Variants in LRRTM4 observed in about 807,000 individuals in gnomAD.
LRRTM4 encodes the protein leucine rich repeat transmembrane neuronal 4.
LRRTM4 carries 25 observed loss-of-function variants against 47.6 expected under a neutral mutation model. The ratio of observed to expected loss-of-function variants is 0.53; its 90% confidence interval spans 0.38 to 0.73. The LOEUF (loss-of-function observed/expected upper bound fraction) is 0.73. Ranked by LOEUF, LRRTM4 falls within the 30% of genes least tolerant of loss-of-function variation. LRRTM4 has a pLI of 0.00. For synonymous variants in LRRTM4, 311 were observed against 269.5 expected (o/e 1.15, Z -1.51); for missense variants, 638 against 713.4 (o/e 0.89, Z 1.20).
At chr2:77,026,584 T>C (rs77048819) in intron 3 of LRRTM4, among the ~76,000 whole-genome samples, 2 of 152,122 alleles carry the variant, frequency 1.3e-5, no homozygotes, top group African/African-American at 4.8e-5. Flanking sequence ...GGTATCAGAT[T>C]CCATTTTAAT....
chr2:77,212,799 A>G (rs887010162), intron 3 of LRRTM4, among the ~76,000 whole-genome samples: 2 of 152,190 alleles, frequency 1.3e-5, no homozygotes, highest in African/African-American at 4.8e-5. Context: ...CTCTAATACA[A>G]TTGTTTATAC....
At chr2:77,480,814 GTGTGT>G (rs1273453386) in intron 3 of LRRTM4, among the ~76,000 whole-genome samples, 15 of 130,806 alleles carry the variant, frequency 1.1e-4, no homozygotes, top group Admixed American at 6.9e-4. Context: ...GTGTGTGTGT[GTGTGT>G]GTGGAGAGAG....
chr2:76,944,482 T>C (rs1190594760), intron 3 of LRRTM4, among the ~76,000 whole-genome samples: 8 of 152,156 alleles, frequency 5.3e-5, no homozygotes. Flanking sequence ...ATTTCTCCAG[T>C]ACCTGATAAG....
At chr2:77,035,439 C>T (rs529008007) in intron 3 of LRRTM4, among the ~76,000 whole-genome samples, 11 of 151,864 alleles carry the variant, frequency 7.2e-5, no homozygotes, top group African/African-American at 2.7e-4. Context: ...CCTTTTACAG[C>T]CACAGTTACT....
chr2:77,090,844 T>C (rs1333430272), intron 3 of LRRTM4, among the ~76,000 whole-genome samples: 1 of 152,192 alleles, frequency 6.6e-6, no homozygotes, highest in Non-Finnish European at 1.5e-5. Flanking sequence ...AGCTGAAGAC[T>C]GACGCTGCCC....
chr2:76,960,386 C>T (rs528542659), intron 3 of LRRTM4, among the ~76,000 whole-genome samples: 3 of 151,474 alleles, frequency 2.0e-5, no homozygotes, highest in African/African-American at 7.2e-5. Flanking sequence ...TAAAAATAAG[C>T]ATTATAATTA....
chr2:77,089,446 CTG>C (rs1219515990), intron 3 of LRRTM4, among the ~76,000 whole-genome samples: 2 of 151,872 alleles, frequency 1.3e-5, no homozygotes, highest in South Asian at 4.3e-4. Context: ...CCTCGTATCT[CTG>C]TGCCCCAATC....
At chr2:77,045,215 A>T (rs1444794351) in intron 3 of LRRTM4, among the ~76,000 whole-genome samples, 2 of 151,918 alleles carry the variant, frequency 1.3e-5, no homozygotes, top group Non-Finnish European at 2.9e-5. Flanking sequence ...TACTTTTTAA[A>T]TGTTTGTTAC....
chr2:77,176,966 G>T (rs1485646603), intron 3 of LRRTM4, among the ~76,000 whole-genome samples: 1 of 152,078 alleles, frequency 6.6e-6, no homozygotes, highest in Non-Finnish European at 1.5e-5. Context: ...CAGTCCCACG[G>T]CAGCTTCCAG....
intron 3 of LRRTM4, among the ~76,000 whole-genome samples, chr2:77,048,508 G>A (rs995746806): frequency 1.3e-5 from 2 of 151,914 alleles, no homozygotes; most frequent in African/African-American, 4.8e-5. Context: ...ATATGCATAT[G>A]ATTAAAACCA....
intron 3 of LRRTM4, among the ~76,000 whole-genome samples, chr2:77,039,529 T>C (rs1678954962): frequency 6.6e-6 from 1 of 151,230 alleles, no homozygotes; most frequent in Non-Finnish European, 1.5e-5. Context: ...AGAAGCAATT[T>C]TAAAGTTAAG....
intron 3 of LRRTM4, among the ~76,000 whole-genome samples, chr2:77,083,622 T>C (rs1026478367): frequency 3.3e-5 from 5 of 152,112 alleles, no homozygotes; most frequent in East Asian, 3.9e-4. Flanking sequence ...AAATACTAGA[T>C]ATTCACATAC....
rs1245723361 is a variant in LRRTM4 at position 77,519,688 on chromosome 2, C to T, written c.181G>A (p.Gly61Arg). 1.2e-6 allele frequency: 2 copies of T among 1,613,334 alleles called. No homozygotes were observed. Among genetic ancestry groups the T allele is most frequent in the South Asian group, 2.2e-5 (2 of 91,074 alleles). ...AFADIPENIS[G>R]GSQGLSLRFN... is the part of the protein sequence containing the mutation. The stretch of plus-strand genomic sequence containing the variant: ...CTTAATGATAAGCCTTGTGACCCTC[C>T]AGAAATGTTCTCAGGGATATCTGCG... Residue 61 changes from glycine (G) to arginine (R), a missense_variant, in exon 3 of 4, where the codon GGA becomes AGA. By Grantham distance (125) the Gly-to-Arg change is moderately radical. Transcript: ENST00000409884. This position sits in a 1 kb window ranked among gnomAD's most constrained non-coding sequence, Gnocchi z 4.6.
At chr2:77,466,571 T>C (rs1676989841) in intron 3 of LRRTM4, among the ~76,000 whole-genome samples, 1 of 152,192 alleles carries the variant, frequency 6.6e-6, no homozygotes, top group Non-Finnish European at 1.5e-5. Context: ...ACACTGTTTT[T>C]CTTTGTGAAA....
chr2:76,986,449 A>G (rs1437904818), intron 3 of LRRTM4, among the ~76,000 whole-genome samples: 1 of 151,902 alleles, frequency 6.6e-6, no homozygotes, highest in African/African-American at 2.4e-5. Flanking sequence ...TTTCTAAGTT[A>G]CTTAGGTCTT....
chr2:77,206,179 ATT>A lies in LRRTM4; in HGVS notation c.1551+312137_1551+312138del, dbSNP rs35378906. Among the ~76,000 whole-genome samples the A allele has an allele frequency of 5.8e-3, 741 of 126,854 alleles. 2 individuals are homozygous for A. Among genetic ancestry groups the A allele is most frequent in the African/African-American group, 9.2e-3 (304 of 33,054 alleles). 83.2% of individuals were successfully genotyped at this position (126,854 alleles called of 152,430 possible). ...CAATACACTGTAATTTCAAAATTCT[ATT>A]TTTTTTTTTTTTTTTGAAACAGGGT... On this transcript the variant is annotated intron_variant, in intron 3 of 3. Coordinates refer to ENST00000409884, the MANE Select transcript of LRRTM4 (RefSeq NM_001134745.3).
At chr2:77,125,951 C>T (rs1450059863) in intron 3 of LRRTM4, among the ~76,000 whole-genome samples, 2 of 149,558 alleles carry the variant, frequency 1.3e-5, no homozygotes, top group Non-Finnish European at 3.0e-5. Flanking sequence ...TATATATATG[C>T]AGTATGTGTG....
intron 3 of LRRTM4, among the ~76,000 whole-genome samples, chr2:76,826,768 C>T (rs906682507): frequency 6.6e-6 from 1 of 151,842 alleles, no homozygotes; most frequent in East Asian, 1.9e-4. Context: ...AAGTACTATA[C>T]AGCAGAGTGT....
intron 3 of LRRTM4, among the ~76,000 whole-genome samples, chr2:77,336,384 T>G (rs1467826363): frequency 6.6e-6 from 1 of 152,046 alleles, no homozygotes; most frequent in East Asian, 1.9e-4. Context: ...TTTTACCAGT[T>G]AGCTCATAAT....
Sources: gnomAD v4.1 joint callset for allele counts (sites outside exome capture counted in the v4.1 genomes callset) on GRCh38, gnomAD v4.1.1 for gene constraint, Gnocchi (gnomAD v3.1) non-coding constraint, MANE v1.5 for transcripts, NCBI Gene and HGNC (gene_info 2026-07-23, HGNC 2026-07-21) for gene names.